Variants in RNF111 observed in about 807,000 individuals in gnomAD.
RNF111 encodes the protein ring finger protein 111.
RNF111 carries 17 observed loss-of-function variants against 95.1 expected under a neutral mutation model. That is an observed-to-expected ratio of 0.18 (90% confidence interval 0.12 to 0.27). RNF111 has a LOEUF of 0.27. Ranked by LOEUF, RNF111 falls within the 10% of genes least tolerant of loss-of-function variation. The pLI, the probability that RNF111 is intolerant of heterozygous loss-of-function variation, is 1.00. For missense variants in RNF111, 1,189 were observed against 1,210.4 expected (o/e 0.98, Z 0.26); for synonymous variants, 440 against 414.8 (o/e 1.06, Z -0.74).
intron 2 of RNF111, among the ~76,000 whole-genome samples, chr15:59,039,310 T>C (rs1359899179): frequency 6.6e-6 from 1 of 152,186 alleles, no homozygotes; most frequent in East Asian, 1.9e-4. Context: ...TATCTGAGGT[T>C]CTTCTATAAA....
intron 1 of RNF111, among the ~76,000 whole-genome samples, chr15:59,004,582 A>G (rs754243202): frequency 1.3e-5 from 2 of 152,212 alleles, no homozygotes; most frequent in Non-Finnish European, 2.9e-5. Flanking sequence ...CCAAACCAGT[A>G]TTCTAGAGTT....
At chr15:58,995,754 G>A (rs4531678) in intron 1 of RNF111, among the ~76,000 whole-genome samples, 1 of 145,844 alleles carries the variant, frequency 6.9e-6, no homozygotes, top group East Asian at 2.0e-4. Flanking sequence ...ATGAGATGCC[G>A]TGCCCCGGCC....
At chr15:59,061,541 ATG>A (rs1485529375) in intron 5 of RNF111, among the ~76,000 whole-genome samples, 2 of 152,220 alleles carry the variant, frequency 1.3e-5, no homozygotes, top group African/African-American at 4.8e-5. Context: ...AAATGAATAA[ATG>A]AAAGTTCTTA....
chr15:59,037,720 C>T (rs750257798), intron 2 of RNF111, among the ~76,000 whole-genome samples: 1 of 152,108 alleles, frequency 6.6e-6, no homozygotes. Flanking sequence ...CCTGTAATCC[C>T]AGCTACTTGG....
Position 59,027,228 on chromosome 15 carries a change from A to G in RNF111, c.-19-3576A>G, listed in dbSNP as rs575171546. Among the ~76,000 whole-genome samples, 44 of 152,218 alleles carry G rather than the reference A, an allele frequency of 2.9e-4. No homozygotes were observed. The South Asian group carries it at 5.0e-3, about 17-fold the overall frequency. ...ATCTTCAGCCCATAAAGACTCCAAG[A>G]TCTCCTCCTCTGAAATCCACCAGAA... On this transcript the variant is annotated intron_variant, in intron 1 of 13. Coordinates refer to ENST00000348370, the MANE Select transcript of RNF111 (RefSeq NM_017610.8).
chr15:59,065,587 GT>G (rs1256692883), intron 5 of RNF111, among the ~76,000 whole-genome samples: 1 of 152,126 alleles, frequency 6.6e-6, no homozygotes, highest in African/African-American at 2.4e-5. Flanking sequence ...TTGACTCCAT[GT>G]TTCTTTTCCC....
intron 2 of RNF111, among the ~76,000 whole-genome samples, chr15:59,051,595 G>A (rs1156592542): frequency 3.3e-5 from 5 of 151,904 alleles, no homozygotes; most frequent in Non-Finnish European, 7.4e-5. Context: ...GGGCAACATG[G>A]TGAAACCCCA....
Position 59,067,035 on chromosome 15 carries a change from A to G in RNF111, c.1638A>G (p.Gln546=), listed in dbSNP as rs373234161. The G allele has an allele frequency of 3.9e-5, 63 of 1,613,954 alleles. No individual in the cohort carries two copies. In the Middle Eastern group the frequency reaches 4.9e-4, roughly 13 times the overall value. Residue 546 remains glutamine, a synonymous_variant, in exon 6 of 14, where the codon CAA becomes CAG. Transcript: ENST00000348370. The part of the protein sequence containing the change: ...ACPVERPPQV[Q]APCGANSSSG... ...CTGTGGAAAGACCTCCACAAGTACA[A>G]GCACCTTGTGGAGCAAATAGTAGTT...
chr15:58,997,246 T>C (rs1386028885), intron 1 of RNF111, among the ~76,000 whole-genome samples: 2 of 152,204 alleles, frequency 1.3e-5, no homozygotes, highest in Non-Finnish European at 1.5e-5. Context: ...GTATTTTATA[T>C]GTGCATCCAG....
At chr15:59,076,250 T>G in intron 7 of RNF111, 35 bp downstream of exon 7, 1 of 1,592,600 alleles carries the variant, frequency 6.3e-7, no homozygotes, top group Non-Finnish European at 8.6e-7. Context: ...AAATCTAGAG[T>G]CATGTCAATG....
At position 59,058,544 on chromosome 15, in the gene RNF111, A is replaced by G; in HGVS notation, c.1360A>G (p.Ile454Val). 1.2e-6 allele frequency: 2 copies of G among 1,613,798 alleles called. No homozygotes were observed. Among genetic ancestry groups the G allele is most frequent in the East Asian group, 2.2e-5 (1 of 44,876 alleles). The change falls in exon 5 of 14, where the codon ATA becomes GTA. Residue 454 changes from isoleucine to valine, a missense_variant. This residue lies in a region of RNF111 where 1,024 missense variants were observed against 925.9 expected (regional missense o/e 1.11). Transcript: ENST00000348370. ...LTSNSTTGTS[I>V]GDDSRRTTSS... ...AAGCAATAGTACCACTGGCACTTCT[A>G]TAGGAGGTATGTAAAAAAGTGGGGG...
chr15:59,078,801 G>A (rs2078648491), intron 7 of RNF111, among the ~76,000 whole-genome samples: 2 of 151,386 alleles, frequency 1.3e-5, no homozygotes, highest in Admixed American at 1.3e-4. Flanking sequence ...GGAGATTGCA[G>A]TGAGCTGAGA....
intron 1 of RNF111, among the ~76,000 whole-genome samples, chr15:58,999,272 G>A (rs1567199409): frequency 1.3e-5 from 2 of 152,254 alleles, no homozygotes; most frequent in African/African-American, 4.8e-5. Flanking sequence ...TAGCATTACC[G>A]CTCTTATTAA....
chr15:59,052,644 C>A (rs2141970103), intron 3 of RNF111, among the ~76,000 whole-genome samples: 1 of 139,334 alleles, frequency 7.2e-6, no homozygotes, highest in South Asian at 2.2e-4. Context: ...TACCCCTTGG[C>A]TCAAGTGATT....
chr15:59,052,735 G>C (rs1047258204), intron 3 of RNF111, among the ~76,000 whole-genome samples: 2 of 151,838 alleles, frequency 1.3e-5, no homozygotes, highest in Admixed American at 6.6e-5. Context: ...TTCAAAGCAG[G>C]CTGCATTAAA....
chr15:59,031,066 C>T lies in RNF111; in HGVS notation c.244C>T (p.Gln82Ter). Residue 82 changes from glutamine to a stop codon, truncating the protein, a stop_gained, in exon 2 of 14, where the codon CAG becomes TAG. Transcript: ENST00000348370. LOFTEE classifies it high-confidence loss of function. ...GCAAGAGAAGGAAATGAATGGTAAC[C>T]AGCAAGAACAAGAAAAAAGTCTCGT... ...QKQEKEMNGN[Q>*]QEQEKSLVVR... 6.2e-7 allele frequency: 1 copy of T among 1,614,222 alleles called. No individual in the cohort carries two copies. The highest frequency in any genetic ancestry group is 8.5e-7 in the Non-Finnish European group (1 of 1,180,032).
At chr15:59,051,713 A>G (rs2041992110) in intron 2 of RNF111, among the ~76,000 whole-genome samples, 1 of 152,028 alleles carries the variant, frequency 6.6e-6, no homozygotes. Flanking sequence ...AGGAGGTTGC[A>G]GTAAGCCGAG....
chr15:59,042,955 A>G (rs1220079153), intron 2 of RNF111, among the ~76,000 whole-genome samples: 1 of 152,112 alleles, frequency 6.6e-6, no homozygotes, highest in Non-Finnish European at 1.5e-5. Flanking sequence ...CCATTTGTAG[A>G]TTACATTACA....
At chr15:59,018,903 A>G (rs2040196862) in intron 1 of RNF111, among the ~76,000 whole-genome samples, 1 of 151,970 alleles carries the variant, frequency 6.6e-6, no homozygotes, top group Non-Finnish European at 1.5e-5. Flanking sequence ...ATTTGTGCAT[A>G]TAACTGTATA....
Sources: gnomAD v4.1 joint callset for allele counts (sites outside exome capture counted in the v4.1 genomes callset) on GRCh38, gnomAD v4.1.1 for gene constraint, gnomAD v4.1.1 regional missense constraint, MANE v1.5 for transcripts, NCBI Gene and HGNC (gene_info 2026-07-23, HGNC 2026-07-21) for gene names.